GDAP1L1: variants seen among roughly 807,000 people sequenced by gnomAD.
GDAP1L1 encodes ganglioside-induced differentiation-associated protein 1-like 1.
Under a neutral mutation model 37.1 loss-of-function variants are expected in GDAP1L1, and 21 were observed. The observed-to-expected ratio is 0.57, with a 90% CI of 0.40 to 0.81. GDAP1L1 has a LOEUF of 0.81. Among genes scored for constraint, GDAP1L1 ranks in the 40% least tolerant of loss-of-function variants. GDAP1L1 has a pLI of 0.00. For missense variants in GDAP1L1, 362 were observed against 491.6 expected, an observed-to-expected ratio of 0.74 and a Z score of 2.49; for synonymous variants, 193 against 209.1, an observed-to-expected ratio of 0.92 and a Z score of 0.67.
intron 3 of GDAP1L1, 92 bp from the exon 4 acceptor site, chr20:44,263,138 T>C: frequency 1.1e-6 from 1 of 931,682 alleles, no homozygotes; most frequent in Non-Finnish European, 1.8e-6. Context: ...TGACCAGTGT[T>C]TGGATGGGGC....
intron 5 of GDAP1L1, among the ~76,000 whole-genome samples, chr20:44,278,531 C>T (rs777541286): frequency 3.3e-5 from 5 of 152,030 alleles, no homozygotes; most frequent in African/African-American, 4.8e-5. Flanking sequence ...CAGGTGTGCA[C>T]CACCACACCC....
At chr20:44,258,364 A>T in intron 2 of GDAP1L1, 70 bp from the exon 3 acceptor site, 1 of 1,459,142 alleles carries the variant, frequency 6.9e-7, no homozygotes, top group Non-Finnish European at 9.4e-7. Flanking sequence ...GGGCTCAGGG[A>T]TGCCGGGGGC....
chr20:44,263,552 G>A (rs1276435655), intron 4 of GDAP1L1, among the ~76,000 whole-genome samples: 3 of 152,192 alleles, frequency 2.0e-5, no homozygotes, highest in Non-Finnish European at 2.9e-5. Context: ...GTCTTTAAAA[G>A]CAGAGCATTG....
Position 44,279,522 on chromosome 20 carries a change from C to CGA in GDAP1L1, c.*235_*236dup, listed in dbSNP as rs146884120. On this transcript the variant is annotated 3_prime_UTR_variant, in exon 6 of 6. Coordinates refer to ENST00000342560, the MANE Select transcript of GDAP1L1 (RefSeq NM_024034.6). ...GCTCTACTAAAAGAGAGAGAGGAAG[C>CGA]GAGAGAGAGAGAGAAAAAACAAAAA... 2.1e-5 allele frequency: 14 copies of CGA among 678,182 alleles called. No homozygotes were observed. Among genetic ancestry groups the CGA allele is most frequent in the African/African-American group, 7.1e-5 (4 of 56,256 alleles). The allele number at this position is 678,182 out of a possible 1,614,324, so 42.0% of individuals were successfully genotyped here. A position where few individuals can be genotyped will look rare whatever the true frequency, so the allele number is the denominator to read the frequency against.
chr20:44,271,350 C>T (rs2062513771), intron 5 of GDAP1L1, among the ~76,000 whole-genome samples: 1 of 152,122 alleles, frequency 6.6e-6, no homozygotes. Context: ...TGAGGAGTGG[C>T]CAGTGAAGTA....
intron 3 of GDAP1L1, among the ~76,000 whole-genome samples, chr20:44,262,542 T>C (rs2073691474): frequency 6.6e-6 from 1 of 152,052 alleles, no homozygotes; most frequent in Non-Finnish European, 1.5e-5. Context: ...TCCTCAAGGG[T>C]ACAGTCTCCT....
rs1417991633 is a variant in GDAP1L1 at position 44,279,819 on chromosome 20, G to A, written c.*519G>A. The A allele has an allele frequency of 2.3e-5, 11 of 470,672 alleles. No individual in the cohort carries two copies. Among genetic ancestry groups the A allele is most frequent in the Admixed American group, 1.9e-4 (8 of 42,438 alleles). 29.2% of individuals were successfully genotyped at this position (470,672 alleles called of 1,614,324 possible). On this transcript the variant is annotated 3_prime_UTR_variant, in exon 6 of 6. Transcript: ENST00000342560. ...ACCGGAGACCCCATGGGAGGTCCCT[G>A]AAGATCAGAAGGGGCTTCACGCTTC... is the stretch of plus-strand genomic sequence containing the variant.
At chr20:44,257,026 G>A in intron 1 of GDAP1L1, 127 bp from the exon 2 acceptor site, 18 of 1,011,594 alleles carry the variant, frequency 1.8e-5, no homozygotes, top group Non-Finnish European at 2.5e-5. Context: ...CCAAGAATGG[G>A]CTGAAAGCAA....
intron 5 of GDAP1L1, among the ~76,000 whole-genome samples, chr20:44,267,000 GA>G (rs1251779595): frequency 6.6e-6 from 1 of 152,176 alleles, no homozygotes; most frequent in East Asian, 1.9e-4. Flanking sequence ...GGAAGTTTAT[GA>G]ATTAGTTTTG....
At chr20:44,276,322 G>A (rs1299220340) in intron 5 of GDAP1L1, among the ~76,000 whole-genome samples, 3 of 148,068 alleles carry the variant, frequency 2.0e-5, no homozygotes, top group South Asian at 4.4e-4. Flanking sequence ...GTGACAGAGC[G>A]AGACTTTGTC....
rs533184492 is a variant in GDAP1L1, at chr20:44,263,834, ACT to A, written c.645+510_645+511del. Among the ~76,000 whole-genome samples, 223 of 152,134 alleles carry A rather than the reference ACT, an allele frequency of 1.5e-3. 1 individual carries two copies. Among genetic ancestry groups the A allele is most frequent in the African/African-American group, 4.7e-3 (196 of 41,524 alleles). ...ACTCTAGCCTGGGCAACAGAGTGAGACTCTGTCTCAAATAATAATAATTATAA... is the reference window on the plus strand; with the variant it reads ...ACTCTAGCCTGGGCAACAGAGTGAGACTGTCTCAAATAATAATAATTATAA... On this transcript the variant is annotated intron_variant, in intron 4 of 5. Transcript: ENST00000342560.
chr20:44,257,017 C>T (rs1600534303), intron 1 of GDAP1L1, 136 bp from the exon 2 acceptor site: 1 of 942,234 alleles, frequency 1.1e-6, no homozygotes, highest in African/African-American at 1.7e-5. Context: ...CCCAGGTGCC[C>T]AAGAATGGGC....
chr20:44,267,616 G>GAAA (rs36056669), intron 5 of GDAP1L1, among the ~76,000 whole-genome samples: 6 of 105,088 alleles, frequency 5.7e-5, no homozygotes, highest in Admixed American at 3.7e-4. Flanking sequence ...GTCTCAAAGA[G>GAAA]AAAAAAAAAA....
intron 5 of GDAP1L1, among the ~76,000 whole-genome samples, chr20:44,276,412 A>AAAAG (rs59432514): frequency 0.088 from 9,934 of 113,244 alleles, 547 homozygotes; most frequent in African/African-American, 0.1. Flanking sequence ...AGAAAAAAGA[A>AAAAG]AAAGAAAGAA....
intron 5 of GDAP1L1, among the ~76,000 whole-genome samples, chr20:44,269,755 C>T (rs946149000): frequency 6.6e-6 from 1 of 152,122 alleles, no homozygotes; most frequent in Non-Finnish European, 1.5e-5. Flanking sequence ...CACAGTGAAA[C>T]CCTGTCTCTA....
chr20:44,265,821 T>C (rs1568654421), intron 5 of GDAP1L1, among the ~76,000 whole-genome samples: 1 of 152,098 alleles, frequency 6.6e-6, no homozygotes, highest in Admixed American at 6.6e-5. Context: ...ATAGATGTCA[T>C]GGTTAGGGCC....
At chr20:44,260,692 G>A (rs150368754) in intron 3 of GDAP1L1, among the ~76,000 whole-genome samples, 5 of 152,248 alleles carry the variant, frequency 3.3e-5, no homozygotes, top group African/African-American at 1.2e-4. Context: ...GGGAGAAAGA[G>A]GGAGAATTAT....
chr20:44,253,810 C>T (rs1353151284), intron 1 of GDAP1L1, among the ~76,000 whole-genome samples: 1 of 152,228 alleles, frequency 6.6e-6, no homozygotes, highest in Non-Finnish European at 1.5e-5. Context: ...TCCTTGGCCG[C>T]CTGCCAGGGT....
Position 44,263,298 on chromosome 20 carries a change from C to T in GDAP1L1, c.616C>T (p.Pro206Ser). ...DHEEEPQLSE[P>S]YLSKQKKLMA... ...TGAAGAGGAGCCCCAGCTCTCCGAG[C>T]CCTACCTTTCTAAACAAAAGAAGCT... Residue 206 changes from proline to serine, a missense_variant, in exon 4 of 6, where the codon CCC (proline) becomes TCC (serine). Coordinates refer to ENST00000342560, the MANE Select transcript of GDAP1L1 (RefSeq NM_024034.6). 1.2e-6 allele frequency: 2 copies of T among 1,614,020 alleles called. No homozygotes were observed. Among genetic ancestry groups the T allele is most frequent in the Non-Finnish European group, 1.7e-6 (2 of 1,179,914 alleles).
Sources: gnomAD v4.1 joint callset for allele counts (sites outside exome capture counted in the v4.1 genomes callset) on GRCh38, gnomAD v4.1.1 for gene constraint, MANE v1.5 for transcripts, NCBI Gene and HGNC (gene_info 2026-07-23, HGNC 2026-07-21) for gene names.